FOXP2: variants seen among roughly 807,000 people sequenced by gnomAD.
The protein encoded by FOXP2 is forkhead box P2.
In FOXP2, 12 loss-of-function variants were observed where a neutral mutation model predicts 115.8. The ratio of observed to expected loss-of-function variants is 0.10; its 90% CI spans 0.07 to 0.17. The LOEUF (loss-of-function observed/expected upper bound fraction) is 0.17. FOXP2 is among the 10% of genes least tolerant of loss of function. The probability of loss-of-function intolerance (pLI) is 1.00; values close to 1 mark genes in which losing one functional copy is unlikely to be tolerated. For missense variants in FOXP2, 629 were observed against 843.5 expected (o/e 0.75, Z 3.15); for synonymous variants, 328 against 297.7 (o/e 1.10, Z -1.05).
rs556889405 is a variant in FOXP2, at chr7:114,244,105, T to C, written c.-101-43914T>C. On this transcript the variant is annotated intron_variant, in intron 1 of 17. Transcript: ENST00000634411. ...AGTTTAATGCATAGCATTTTCACTG[T>C]ATTCTAACTCACCTGGTTAATTTTT... 2.0e-5 allele frequency among the ~76,000 whole-genome samples: 3 copies of C among 152,316 alleles called. No individual in the cohort carries two copies. In the South Asian group the frequency reaches 6.2e-4, roughly 32 times the overall value.
intron 2 of FOXP2, among the ~76,000 whole-genome samples, chr7:114,502,246 A>T (rs1354858534): frequency 6.6e-6 from 1 of 152,120 alleles, no homozygotes; most frequent in Non-Finnish European, 1.5e-5. Context: ...TTGTTCTTTT[A>T]TGAATATTCC....
At chr7:114,498,110 C>T (rs1373538526) in intron 2 of FOXP2, among the ~76,000 whole-genome samples, 2 of 152,104 alleles carry the variant, frequency 1.3e-5, no homozygotes, top group Admixed American at 6.5e-5. Context: ...CTCTCAGAAT[C>T]CGTTGCTTAG....
At position 114,405,595 on chromosome 7, in the gene FOXP2, C is replaced by A. The variant is rs1007162982; in HGVS notation, c.-10-20907C>A. Among the ~76,000 whole-genome samples, 2 of 151,734 alleles carry A rather than the reference C, an allele frequency of 1.3e-5. 1 individual carries two copies. The highest frequency in any genetic ancestry group is 3.0e-5 in the Non-Finnish European group (2 of 67,768). On this transcript the variant is annotated intron_variant, in intron 2 of 17. Coordinates refer to the FOXP2 transcript ENST00000634411. ...ATAAGTTACAGAGGGAATTGTGTAA[C>A]GTTAACATTGGTAACAGGTAAAAGA... is the stretch of plus-strand genomic sequence containing the variant.
intron 1 of FOXP2, among the ~76,000 whole-genome samples, chr7:114,117,713 G>A (rs1031871067): frequency 6.6e-6 from 1 of 152,046 alleles, no homozygotes; most frequent in African/African-American, 2.4e-5. Context: ...TTATTCCCCA[G>A]TGTCTTAGCT....
At chr7:114,295,183 A>G (rs1176810354) in intron 2 of FOXP2, among the ~76,000 whole-genome samples, 2 of 152,222 alleles carry the variant, frequency 1.3e-5, no homozygotes, top group Non-Finnish European at 2.9e-5. Flanking sequence ...CTGAACATTA[A>G]GTACCCTTTT....
At chr7:114,136,949 T>C (rs1172401796) in intron 1 of FOXP2, among the ~76,000 whole-genome samples, 1 of 152,034 alleles carries the variant, frequency 6.6e-6, no homozygotes, top group Non-Finnish European at 1.5e-5. Flanking sequence ...CTGACTGATA[T>C]TTGCTAAAAG....
At chr7:114,111,191 G>A (rs981395579) in intron 1 of FOXP2, among the ~76,000 whole-genome samples, 8 of 152,264 alleles carry the variant, frequency 5.3e-5, no homozygotes, top group African/African-American at 1.7e-4. Flanking sequence ...GCTTGGTTAT[G>A]TGACTTGCTT....
intron 1 of FOXP2, among the ~76,000 whole-genome samples, chr7:114,210,564 GAATA>G (rs1794319286): frequency 6.6e-6 from 1 of 152,152 alleles, no homozygotes; most frequent in African/African-American, 2.4e-5. Flanking sequence ...TTACCTGCCT[GAATA>G]CAACTGTAGG....
chr7:114,547,710 G>A (rs895010039), intron 3 of FOXP2, among the ~76,000 whole-genome samples: 1 of 152,180 alleles, frequency 6.6e-6, no homozygotes, highest in South Asian at 2.1e-4. Context: ...AGTGAGTTGA[G>A]ATCATGCCAC....
chr7:114,187,105 C>G (rs1035573031), intron 1 of FOXP2, among the ~76,000 whole-genome samples: 1 of 152,190 alleles, frequency 6.6e-6, no homozygotes, highest in East Asian at 1.9e-4. Flanking sequence ...CCATACTCAT[C>G]TCCTTATCAA....
At chr7:114,574,851 T>C (rs917863173) in intron 3 of FOXP2, among the ~76,000 whole-genome samples, 1 of 151,918 alleles carries the variant, frequency 6.6e-6, no homozygotes, top group Non-Finnish European at 1.5e-5. Context: ...GTCTTGTACC[T>C]ATAATCTGAA....
intron 3 of FOXP2, among the ~76,000 whole-genome samples, chr7:114,612,025 T>C (rs188152816): frequency 1.2e-4 from 19 of 152,304 alleles, no homozygotes; most frequent in Admixed American, 7.8e-4. Context: ...TTAAGGACTC[T>C]ATAAAATTTA....
At chr7:114,541,892 A>G (rs1411906878) in intron 3 of FOXP2, among the ~76,000 whole-genome samples, 1 of 151,922 alleles carries the variant, frequency 6.6e-6, no homozygotes, top group Non-Finnish European at 1.5e-5. Flanking sequence ...TAATATTGTT[A>G]TGGGAGCTCT....
At chr7:114,292,647 T>A (rs1796635507) in intron 2 of FOXP2, among the ~76,000 whole-genome samples, 1 of 152,160 alleles carries the variant, frequency 6.6e-6, no homozygotes, top group African/African-American at 2.4e-5. Context: ...TATATTTTTC[T>A]TATTTCTTAC....
At chr7:114,534,850 T>G (rs1439824139) in intron 3 of FOXP2, 144 bp downstream of exon 3, 1 of 706,130 alleles carries the variant, frequency 1.4e-6, no homozygotes, top group African/African-American at 1.8e-5. Context: ...GAATTCATTT[T>G]ATCTTCTTAA....
chr7:114,169,310 G>T (rs1243517155), intron 1 of FOXP2, among the ~76,000 whole-genome samples: 2 of 152,240 alleles, frequency 1.3e-5, no homozygotes, highest in Non-Finnish European at 2.9e-5. Context: ...AGCCACAGGG[G>T]CAGAGCTGCC....
At chr7:114,299,654 T>G (rs1481572820) in intron 2 of FOXP2, among the ~76,000 whole-genome samples, 1 of 152,030 alleles carries the variant, frequency 6.6e-6, no homozygotes, top group African/African-American at 2.4e-5. Flanking sequence ...TTTAGAATTT[T>G]TGTCACTTAA....
At chr7:114,338,730 G>A (rs549728106) in intron 2 of FOXP2, among the ~76,000 whole-genome samples, 1 of 142,348 alleles carries the variant, frequency 7.0e-6, no homozygotes, top group African/African-American at 2.5e-5. Context: ...TACAAAAACT[G>A]AGTTCTTGTC....
At chr7:114,169,103 T>A (rs1793062967) in intron 1 of FOXP2, among the ~76,000 whole-genome samples, 2 of 152,190 alleles carry the variant, frequency 1.3e-5, no homozygotes, top group African/African-American at 4.8e-5. Flanking sequence ...GCTAGGGCAG[T>A]GCAGAAGGGA....
Sources: allele counts gnomAD v4.1 joint callset (sites outside exome capture counted in the v4.1 genomes callset), GRCh38; gene constraint gnomAD v4.1.1; transcripts MANE v1.5; gene names NCBI Gene and HGNC (gene_info 2026-07-23, HGNC 2026-07-21).